Variants in ADGRV1 observed in about 807,000 individuals in gnomAD.
ADGRV1 encodes adhesion G protein-coupled receptor V1, also known as G-protein coupled receptor 98.
Under a neutral mutation model 596.2 loss-of-function variants are expected in ADGRV1, and 359 were observed. The ratio of observed to expected loss-of-function variants is 0.60; its 90% CI spans 0.55 to 0.66. ADGRV1 has a LOEUF of 0.66. ADGRV1 is among the 30% of genes least tolerant of loss of function. The pLI is 0.00. For synonymous variants in ADGRV1, 2,681 were observed against 2,679.2 expected (o/e 1.00, Z -0.02); for missense variants, 7,274 against 7,575.6 (o/e 0.96, Z 1.48).
At chr5:91,118,301 G>T (rs1404444752) in intron 87 of ADGRV1, among the ~76,000 whole-genome samples, 1 of 151,808 alleles carries the variant, frequency 6.6e-6, no homozygotes, top group African/African-American at 2.4e-5. Flanking sequence ...GGGGGAGGGG[G>T]ATGGTCACAT....
chr5:90,994,543 C>G (rs1432920277), intron 85 of ADGRV1, among the ~76,000 whole-genome samples: 1 of 152,158 alleles, frequency 6.6e-6, no homozygotes. Context: ...TTCAGTAAAT[C>G]TAACATCTGG....
At chr5:91,067,991 A>T (rs1008205259) in intron 85 of ADGRV1, among the ~76,000 whole-genome samples, 3 of 152,170 alleles carry the variant, frequency 2.0e-5, no homozygotes, top group Admixed American at 6.5e-5. Flanking sequence ...TTGCATACAG[A>T]TGAGTGTTCA....
intron 66 of ADGRV1, 39 bp downstream of exon 66, chr5:90,783,364 T>A: frequency 3.8e-6 from 5 of 1,330,120 alleles, no homozygotes; most frequent in Non-Finnish European, 5.3e-6. Flanking sequence ...ATATAAGACA[T>A]AAGTATTGTG....
chr5:90,918,468 G>C (rs1773583689), intron 83 of ADGRV1, among the ~76,000 whole-genome samples: 1 of 152,168 alleles, frequency 6.6e-6, no homozygotes, highest in African/African-American at 2.4e-5. Context: ...GAGTCACCAA[G>C]TTCGGTGTGA....
chr5:90,823,314 G>C, intron 75 of ADGRV1, 111 bp from the exon 76 acceptor site: 1 of 1,087,776 alleles, frequency 9.2e-7, no homozygotes, highest in East Asian at 2.4e-5. Context: ...TGGATGAAGA[G>C]GTACCATTTG....
intron 77 of ADGRV1, among the ~76,000 whole-genome samples, chr5:90,837,377 C>CTTT (rs71622477): frequency 7.4e-6 from 1 of 135,714 alleles, no homozygotes; most frequent in Admixed American, 7.4e-5. Flanking sequence ...TTTTTTTTTT[C>CTTT]TTTTTTTTTT....
Position 90,790,967 on chromosome 5 carries a change from G to A in ADGRV1, c.14138G>A (p.Ser4713Asn), listed in dbSNP as rs770285573. 2.7e-5 allele frequency: 43 copies of A among 1,613,238 alleles called. No homozygotes were observed. The highest frequency in any genetic ancestry group is 3.6e-5 in the Non-Finnish European group (42 of 1,179,850). ...FTIADGESEA[S>N]FDVHLLPDEV... Reference sequence around the variant, plus strand: ...ATTGCTGATGGAGAGAGTGAAGCTAGCTTTGATGTTCATTTGCTACCAGAT... The same window carrying A: ...ATTGCTGATGGAGAGAGTGAAGCTAACTTTGATGTTCATTTGCTACCAGAT... Residue 4713 changes from serine (S) to asparagine (N), a missense_variant, in exon 70 of 90, where the codon AGC (serine) becomes AAC (asparagine). This residue lies in a region of ADGRV1 where 1,874 missense variants were observed against 1,970.2 expected (regional missense o/e 0.95). Coordinates refer to ENST00000405460, the MANE Select transcript of ADGRV1 (RefSeq NM_032119.4).
At chr5:90,977,141 G>A (rs1346274772) in intron 84 of ADGRV1, among the ~76,000 whole-genome samples, 1 of 152,130 alleles carries the variant, frequency 6.6e-6, no homozygotes, top group East Asian at 1.9e-4. Context: ...GACATCAAAG[G>A]TATTAAGGAC....
intron 27 of ADGRV1, among the ~76,000 whole-genome samples, chr5:90,682,372 A>G (rs1406134740): frequency 5.3e-5 from 8 of 152,186 alleles, no homozygotes; most frequent in Non-Finnish European, 2.9e-5. Context: ...GGCTGTGCCT[A>G]ATGTCAGTGG....
At chr5:90,765,466 CACACAA>C (rs1360868245) in intron 59 of ADGRV1, among the ~76,000 whole-genome samples, 2 of 149,882 alleles carry the variant, frequency 1.3e-5, no homozygotes, top group African/African-American at 5.0e-5. Flanking sequence ...CACACACACA[CACACAA>C]ACTCTAGATA....
intron 87 of ADGRV1, among the ~76,000 whole-genome samples, chr5:91,144,659 A>G (rs1439642286): frequency 6.6e-6 from 1 of 152,196 alleles, no homozygotes; most frequent in Non-Finnish European, 1.5e-5. Flanking sequence ...GAGCCAACAA[A>G]ATAATCAAAA....
At chr5:91,012,405 A>G (rs1006224458) in intron 85 of ADGRV1, among the ~76,000 whole-genome samples, 20 of 151,960 alleles carry the variant, frequency 1.3e-4, no homozygotes, top group African/African-American at 4.8e-4. Flanking sequence ...TATTAAAATC[A>G]TATTCTTTAG....
intron 83 of ADGRV1, among the ~76,000 whole-genome samples, chr5:90,896,061 G>T (rs1449372566): frequency 6.6e-6 from 1 of 151,428 alleles, no homozygotes; most frequent in Non-Finnish European, 1.5e-5. Flanking sequence ...AAGCTAACTG[G>T]ATTTCACTGT....
At chr5:90,892,907 A>G (rs933782410) in intron 83 of ADGRV1, among the ~76,000 whole-genome samples, 23 of 152,186 alleles carry the variant, frequency 1.5e-4, no homozygotes, top group Non-Finnish European at 2.9e-4. Context: ...AACTTACCCA[A>G]TTGACTTTGG....
rs763404095 is a variant in ADGRV1 at position 90,646,095 on chromosome 5, G to A, written c.3022+4G>A. 10 of 1,545,402 alleles carry A rather than the reference G, an allele frequency of 6.5e-6. No individual in the cohort carries two copies. The highest frequency in any genetic ancestry group is 2.7e-5 in the African/African-American group (2 of 72,976). On this transcript the variant is annotated splice_donor_region_variant and intron_variant, in intron 16 of 89. Coordinates refer to ENST00000405460, the MANE Select transcript of ADGRV1 (RefSeq NM_032119.4). ...GATGACCCCATTTATTTTGCAGGTG[G>A]TATTGCTGTCTTATTTGAATGAGTT... is the stretch of plus-strand genomic sequence containing the variant.
intron 83 of ADGRV1, among the ~76,000 whole-genome samples, chr5:90,869,078 C>G (rs1241134592): frequency 1.3e-5 from 2 of 152,024 alleles, no homozygotes; most frequent in Admixed American, 1.3e-4. Context: ...AAAGCACTAA[C>G]CTCATAGTAA....
rs35819836 is a variant in ADGRV1 at position 90,587,555 on chromosome 5, C to CTTTTTTTTTTTTT, written c.23-27272_23-27260dup. On this transcript the variant is annotated intron_variant, in intron 1 of 89. Coordinates refer to ENST00000405460, the MANE Select transcript of ADGRV1 (RefSeq NM_032119.4). Reference sequence around the variant, plus strand: ...TTATTGTCATTTCTCTTTTCTGTGTCTTTTTTTTTTTTTTTTTTTTAAATG... The same window carrying CTTTTTTTTTTTTT: ...TTATTGTCATTTCTCTTTTCTGTGTCTTTTTTTTTTTTTTTTTTTTTTTTTTTTTTTTTAAATG... 1.4e-5 allele frequency among the ~76,000 whole-genome samples: 2 copies of CTTTTTTTTTTTTT among 138,518 alleles called. 1 individual carries two copies. The allele number at this position is 138,518 out of a possible 152,430, so 90.9% of individuals were successfully genotyped here. A position where few individuals can be genotyped will look rare whatever the true frequency, so the allele number is the denominator to read the frequency against.
In ADGRV1 at chr5:90,691,042, G is replaced by A; in HGVS notation, c.6951+1G>A. On this transcript the variant is annotated splice_donor_variant, in intron 31 of 89. Coordinates refer to ENST00000405460, the MANE Select transcript of ADGRV1 (RefSeq NM_032119.4). LOFTEE classifies it high-confidence loss of function. Reference sequence around the variant, plus strand: ...TGACGACGTTCCGGAGATTGAAGAGGTGAGAGGACTGGCTAGTATAGAATG... The same window carrying A: ...TGACGACGTTCCGGAGATTGAAGAGATGAGAGGACTGGCTAGTATAGAATG... 6.2e-7 allele frequency: 1 copy of A among 1,613,600 alleles called. No individual in the cohort carries two copies. Among genetic ancestry groups the A allele is most frequent in the Non-Finnish European group, 8.5e-7 (1 of 1,179,648 alleles).
chr5:91,009,031 T>C (rs1451255724), intron 85 of ADGRV1, among the ~76,000 whole-genome samples: 2 of 152,194 alleles, frequency 1.3e-5, no homozygotes, highest in African/African-American at 4.8e-5. Context: ...TTGATACTGA[T>C]GTTATCCTCA....
Sources: gnomAD v4.1 joint callset for allele counts (sites outside exome capture counted in the v4.1 genomes callset) on GRCh38, gnomAD v4.1.1 for gene constraint, gnomAD v4.1.1 regional missense constraint, MANE v1.5 for transcripts, NCBI Gene and HGNC (gene_info 2026-07-23, HGNC 2026-07-21) for gene names.